OXR1: variants seen among roughly 807,000 people sequenced by gnomAD.
OXR1 encodes the protein oxidation resistance protein 1.
Under a neutral mutation model 104.6 loss-of-function variants are expected in OXR1, and 41 were observed. That is an observed-to-expected ratio of 0.39 (90% CI 0.31 to 0.51). The LOEUF (loss-of-function observed/expected upper bound fraction) is 0.51. OXR1 is among the 20% of genes least tolerant of loss of function. The pLI is 0.77. For synonymous variants in OXR1, 348 were observed against 348.4 expected, an observed-to-expected ratio of 1.00 and a Z score of 0.01; for missense variants, 955 against 1,031.9, an observed-to-expected ratio of 0.93 and a Z score of 1.02.
chr8:106,679,391 C>G (rs777988464), intron 4 of OXR1, 99 bp downstream of exon 4: 5 of 498,906 alleles, frequency 1.0e-5, no homozygotes, highest in Non-Finnish European at 1.8e-5. Flanking sequence ...TTGTTAATTG[C>G]CTTATTTTTA....
Position 106,751,868 on chromosome 8 carries a change from A to G in OXR1, c.*927A>G, listed in dbSNP as rs748812390. ...ATATAGGTTACTCTTGTTCAAAAGG[A>G]AAAAAAAAATTGTGATTTTCTTTGA... On this transcript the variant is annotated 3_prime_UTR_variant, in exon 17 of 17. Coordinates refer to ENST00000517566, the MANE Select transcript of OXR1 (RefSeq NM_001198533.2). 6.0e-5 allele frequency: 9 copies of G among 150,698 alleles called. No individual in the cohort carries two copies. Among genetic ancestry groups the G allele is most frequent in the Non-Finnish European group, 1.3e-4 (9 of 67,412 alleles). The allele number at this position is 150,698 out of a possible 1,614,324, so 9.3% of individuals were successfully genotyped here. A position where few individuals can be genotyped will look rare whatever the true frequency, so the allele number is the denominator to read the frequency against.
chr8:106,709,510 T>C (rs1831487496), intron 9 of OXR1, among the ~76,000 whole-genome samples: 1 of 151,902 alleles, frequency 6.6e-6, no homozygotes, highest in African/African-American at 2.4e-5. Flanking sequence ...CTACATCTGA[T>C]AGTTACCTTA....
chr8:106,621,884 T>C (rs1821733401), intron 3 of OXR1, among the ~76,000 whole-genome samples: 2 of 152,162 alleles, frequency 1.3e-5, no homozygotes, highest in African/African-American at 4.8e-5. Context: ...GACATGAACA[T>C]TTAGTCATAT....
intron 3 of OXR1, among the ~76,000 whole-genome samples, chr8:106,590,028 T>C (rs999541006): frequency 2.0e-4 from 30 of 152,236 alleles, no homozygotes; most frequent in Admixed American, 1.2e-3. Context: ...GGAAATAATC[T>C]TCTCTGAAGA....
At chr8:106,590,402 C>T (rs986091993) in intron 3 of OXR1, among the ~76,000 whole-genome samples, 1 of 152,174 alleles carries the variant, frequency 6.6e-6, no homozygotes, top group Non-Finnish European at 1.5e-5. Context: ...ATTTTCCTGC[C>T]TTAGCCTCTC....
chr8:106,671,271 T>C (rs1194625490), intron 3 of OXR1, among the ~76,000 whole-genome samples: 6 of 151,958 alleles, frequency 3.9e-5, no homozygotes, highest in Admixed American at 2.0e-4. Flanking sequence ...AGATTTAAAA[T>C]GTTAAAAGAA....
intron 1 of OXR1, among the ~76,000 whole-genome samples, chr8:106,296,177 G>A (rs1350963118): frequency 1.3e-5 from 2 of 152,102 alleles, no homozygotes; most frequent in Non-Finnish European, 2.9e-5. Context: ...TAATCAACTT[G>A]CACTGTACTC....
At chr8:106,513,650 G>C (rs1812682519) in intron 2 of OXR1, among the ~76,000 whole-genome samples, 1 of 152,178 alleles carries the variant, frequency 6.6e-6, no homozygotes, top group Non-Finnish European at 1.5e-5. Flanking sequence ...AAGTGGTACA[G>C]GAGGAAAGAA....
intron 1 of OXR1, among the ~76,000 whole-genome samples, chr8:106,287,006 A>G (rs3019305): frequency 0.52 from 79,008 of 151,982 alleles, 21,736 homozygotes; most frequent in African/African-American, 0.7. Context: ...AAATTCTGCC[A>G]CAGCTTCATT....
At chr8:106,704,829 G>A (rs1830987187) in intron 8 of OXR1, among the ~76,000 whole-genome samples, 1 of 152,072 alleles carries the variant, frequency 6.6e-6, no homozygotes, top group Non-Finnish European at 1.5e-5. Context: ...CAGCTGGAAA[G>A]TGTCACCTGG....
intron 3 of OXR1, among the ~76,000 whole-genome samples, chr8:106,601,401 G>T (rs565626975): frequency 6.6e-6 from 1 of 152,158 alleles, no homozygotes; most frequent in Non-Finnish European, 1.5e-5. Flanking sequence ...AGACTGAGGC[G>T]CAAGCAGATC....
intron 2 of OXR1, among the ~76,000 whole-genome samples, chr8:106,486,423 C>G (rs554227294): frequency 3.7e-4 from 56 of 152,048 alleles, no homozygotes; most frequent in African/African-American, 1.3e-3. Context: ...GTTTTAGAGT[C>G]CACTATGTCA....
chr8:106,517,591 T>G (rs1291584807), intron 2 of OXR1, among the ~76,000 whole-genome samples: 1 of 149,034 alleles, frequency 6.7e-6, no homozygotes, highest in Non-Finnish European at 1.5e-5. Context: ...AGGGCAGAAT[T>G]CCAATCGCTT....
rs116547243 is a variant in OXR1, at chr8:106,420,477, C to T, written c.23+60841C>T. 7.2e-3 allele frequency among the ~76,000 whole-genome samples: 1,090 copies of T among 151,792 alleles called. 11 individuals are homozygous for T. The highest frequency in any genetic ancestry group is 0.025 in the African/African-American group (1,017 of 41,486). On this transcript the variant is annotated intron_variant, in intron 2 of 16. Transcript: ENST00000517566. ...AAGTAAATAAGTGATGTTTTAAAAT[C>T]GCTTTAAAACATTGCTATATGCAAT... is the stretch of plus-strand genomic sequence containing the variant.
intron 3 of OXR1, among the ~76,000 whole-genome samples, chr8:106,645,954 C>T (rs1017806805): frequency 1.3e-5 from 2 of 151,932 alleles, no homozygotes; most frequent in Admixed American, 1.3e-4. Flanking sequence ...TTGACACAGC[C>T]CCAGTTATAG....
intron 11 of OXR1, among the ~76,000 whole-genome samples, chr8:106,736,118 T>C (rs1055132749): frequency 6.6e-6 from 1 of 152,060 alleles, no homozygotes; most frequent in Non-Finnish European, 1.5e-5. Flanking sequence ...ATTTTCATTG[T>C]TTTATAACAA....
At chr8:106,693,110 C>T (rs146390817) in intron 7 of OXR1, among the ~76,000 whole-genome samples, 5 of 152,172 alleles carry the variant, frequency 3.3e-5, no homozygotes, top group African/African-American at 9.6e-5. Flanking sequence ...CACTAAGGCA[C>T]AGCTAAGTTG....
At chr8:106,273,321 T>C (rs1345250701) in intron 1 of OXR1, among the ~76,000 whole-genome samples, 1 of 152,008 alleles carries the variant, frequency 6.6e-6, no homozygotes, top group African/African-American at 2.4e-5. Context: ...AATAGAGATG[T>C]CAGTCAAAGT....
At chr8:106,382,624 T>C (rs199571388) in intron 2 of OXR1, among the ~76,000 whole-genome samples, 1 of 146,582 alleles carries the variant, frequency 6.8e-6, no homozygotes, top group East Asian at 2.1e-4. Context: ...TGCTAGAGGG[T>C]CCCGGCAATC....
Sources: gnomAD v4.1 joint callset for allele counts (sites outside exome capture counted in the v4.1 genomes callset) on GRCh38, gnomAD v4.1.1 for gene constraint, MANE v1.5 for transcripts, NCBI Gene and HGNC (gene_info 2026-07-23, HGNC 2026-07-21) for gene names.